The following ORC4 variants were observed in gnomAD, a reference collection of about 807,000 sequenced individuals.
ORC4 encodes the protein origin recognition complex, subunit 4 homolog.
A neutral mutation model predicts 63.9 loss-of-function variants in ORC4; 55 were observed. The observed-to-expected ratio is 0.86, with a 90% confidence interval of 0.69 to 1.08. The LOEUF is 1.08. Ranked by LOEUF, ORC4 falls within the 50% of genes least tolerant of loss-of-function variation. ORC4 has a pLI of 0.00. For synonymous variants in ORC4, 150 were observed against 168.5 expected (o/e 0.89, Z 0.85); for missense variants, 511 against 504.4 (o/e 1.01, Z -0.13).
At chr2:147,967,052 C>A (rs1363796824) in intron 4 of ORC4, among the ~76,000 whole-genome samples, 1 of 151,994 alleles carries the variant, frequency 6.6e-6, no homozygotes, top group Non-Finnish European at 1.5e-5. Context: ...AATCAATAAA[C>A]ATCATACACC....
chr2:147,979,217 G>A (rs1374964569), intron 1 of ORC4, among the ~76,000 whole-genome samples: 2 of 152,020 alleles, frequency 1.3e-5, no homozygotes, highest in African/African-American at 4.8e-5. Context: ...AAATCCTTAA[G>A]ACTCTACCAA....
chr2:147,977,439 G>A (rs1348894973), intron 1 of ORC4, among the ~76,000 whole-genome samples: 1 of 152,138 alleles, frequency 6.6e-6, no homozygotes, highest in Non-Finnish European at 1.5e-5. Flanking sequence ...GAAATAGGAG[G>A]CCCTTCAGCT....
intron 1 of ORC4, among the ~76,000 whole-genome samples, chr2:148,010,916 C>T (rs1692929291): frequency 6.7e-6 from 1 of 149,508 alleles, no homozygotes; most frequent in Admixed American, 6.7e-5. Flanking sequence ...GCAACCTCCA[C>T]CTACTGGGTT....
At chr2:147,956,003 A>G (rs1413907914) in intron 6 of ORC4, among the ~76,000 whole-genome samples, 1 of 152,088 alleles carries the variant, frequency 6.6e-6, no homozygotes, top group Non-Finnish European at 1.5e-5. Flanking sequence ...TTTGGATACT[A>G]TTAAATATTC....
chr2:147,938,956 A>T (rs1320285451), intron 11 of ORC4, among the ~76,000 whole-genome samples, 184 bp downstream of exon 11: 2 of 152,174 alleles, frequency 1.3e-5, no homozygotes, highest in African/African-American at 2.4e-5. Context: ...GCAGAGCGTC[A>T]AATTTTTTTT....
chr2:148,005,148 A>G (rs1017331514), intron 1 of ORC4, among the ~76,000 whole-genome samples: 1 of 152,224 alleles, frequency 6.6e-6, no homozygotes, highest in African/African-American at 2.4e-5. Flanking sequence ...AAAGACTTGG[A>G]ACCAATCCAA....
rs1687951828 is a variant in ORC4, at chr2:147,934,792, C to T, written c.*718G>A. On this transcript the variant is annotated 3_prime_UTR_variant, in exon 14 of 14. Transcript: ENST00000392857. ...TATGGTATAATCTTATGAGACCACC[C>T]TTTATACAATGTCATTGACCAAAAT... 1 of 152,146 alleles carries T rather than the reference C, an allele frequency of 6.6e-6. No homozygotes were observed. The highest frequency in any genetic ancestry group is 1.5e-5 in the Non-Finnish European group (1 of 68,040). 9.4% of individuals were successfully genotyped at this position (152,146 alleles called of 1,614,324 possible).
At chr2:147,965,024 C>T (rs181398979) in intron 4 of ORC4, among the ~76,000 whole-genome samples, 71 of 152,108 alleles carry the variant, frequency 4.7e-4, no homozygotes, top group African/African-American at 1.4e-3. Context: ...TAAAGCAATC[C>T]GTCATCACTA....
chr2:147,941,361 T>C (rs554410919), intron 10 of ORC4, among the ~76,000 whole-genome samples: 7 of 152,190 alleles, frequency 4.6e-5, no homozygotes, highest in African/African-American at 1.7e-4. Context: ...TATGTTTCTC[T>C]AGTTACCTAA....
Position 147,953,052 on chromosome 2 carries a change from G to A in ORC4, c.437-528C>T, listed in dbSNP as rs571296496. Among the ~76,000 whole-genome samples, 28 of 150,104 alleles carry A rather than the reference G, an allele frequency of 1.9e-4. No individual in the cohort carries two copies. In the South Asian group the frequency reaches 2.6e-3, roughly 14 times the overall value. On this transcript the variant is annotated intron_variant, in intron 7 of 13. Coordinates refer to ENST00000392857, the MANE Select transcript of ORC4 (RefSeq NM_181741.4). ...AAAAAAAAAAAGTTCAGTCTAGGCC[G>A]GGCATGGTGACTCACGCTTGTAATC...
chr2:147,960,154 G>A, intron 4 of ORC4: 1 of 554,024 alleles, frequency 1.8e-6, no homozygotes, highest in South Asian at 8.0e-5. Context: ...TTTGCTAAAA[G>A]GAATGGGGAT....
rs931340061 is a variant in ORC4 at position 147,957,788 on chromosome 2, G to A, written c.387+510C>T. On this transcript the variant is annotated intron_variant, in intron 6 of 13. Transcript: ENST00000392857. ...TGTGAAGTATGGATAATAAAATAAC[G>A]CCCAATTAACATGTAAAGAATCTGA... Among the ~76,000 whole-genome samples, 9 of 151,946 alleles carry A rather than the reference G, an allele frequency of 5.9e-5. No homozygotes were observed. The South Asian group carries it at 6.2e-4, about 11-fold the overall frequency.
chr2:148,004,529 C>T (rs886671018), intron 1 of ORC4, among the ~76,000 whole-genome samples: 1 of 152,160 alleles, frequency 6.6e-6, no homozygotes, highest in Non-Finnish European at 1.5e-5. Flanking sequence ...GATTCCCTCC[C>T]TATTTAATAA....
In ORC4 at chr2:147,947,650, A is replaced by G. The variant is rs1027866476; in HGVS notation, c.762+401T>C. On this transcript the variant is annotated intron_variant, in intron 9 of 13. Transcript: ENST00000392857. ...TGAAGTTGCTAATGAAAACTGGAAG[A>G]AAAAAAATATCCACACATAATAGGT... The G allele has an allele frequency of 4.6e-5, 7 of 153,818 alleles. 1 individual carries two copies. The highest frequency in any genetic ancestry group is 1.7e-4 in the African/African-American group (7 of 41,554). 9.5% of individuals were successfully genotyped at this position (153,818 alleles called of 1,614,324 possible). A position where few individuals can be genotyped will look rare whatever the true frequency, so the allele number is the denominator to read the frequency against.
chr2:147,977,758 T>C (rs1387383963), intron 1 of ORC4, among the ~76,000 whole-genome samples: 2 of 152,150 alleles, frequency 1.3e-5, no homozygotes, highest in Non-Finnish European at 2.9e-5. Context: ...TGGATGAAGA[T>C]ATGCAGAGAA....
intron 8 of ORC4, among the ~76,000 whole-genome samples, chr2:147,949,378 A>G (rs1481621351): frequency 6.6e-6 from 1 of 152,114 alleles, no homozygotes; most frequent in African/African-American, 2.4e-5. Context: ...AAAAATTACT[A>G]AACAGTCAGA....
intron 1 of ORC4, among the ~76,000 whole-genome samples, chr2:147,981,618 C>T (rs768541806): frequency 6.6e-6 from 1 of 152,002 alleles, no homozygotes; most frequent in African/African-American, 2.4e-5. Flanking sequence ...TATTAATAGG[C>T]TTAATTTTGT....
At chr2:147,957,269 T>C (rs1308752249) in intron 6 of ORC4, among the ~76,000 whole-genome samples, 1 of 147,908 alleles carries the variant, frequency 6.8e-6, no homozygotes, top group Non-Finnish European at 1.5e-5. Flanking sequence ...TATATAATTA[T>C]ATAATTAATA....
At chr2:147,999,054 C>T (rs896465903) in intron 1 of ORC4, among the ~76,000 whole-genome samples, 7 of 152,164 alleles carry the variant, frequency 4.6e-5, no homozygotes, top group Non-Finnish European at 1.0e-4. Context: ...CATCCAGTCT[C>T]GTCAGCTAAT....
Sources: gnomAD v4.1 joint callset for allele counts (sites outside exome capture counted in the v4.1 genomes callset) on GRCh38, gnomAD v4.1.1 for gene constraint, MANE v1.5 for transcripts, NCBI Gene and HGNC (gene_info 2026-07-23, HGNC 2026-07-21) for gene names.